The following RNFT2 variants were observed in gnomAD, a reference collection of about 807,000 sequenced individuals.
RNFT2 encodes ring finger protein, transmembrane 2.
RNFT2 carries 36 observed loss-of-function variants against 53.0 expected under a neutral mutation model. The observed-to-expected ratio is 0.68, with a 90% CI of 0.52 to 0.90. RNFT2 has a LOEUF of 0.90. Ranked by LOEUF, RNFT2 falls within the 40% of genes least tolerant of loss-of-function variation. The pLI is 0.00. For synonymous variants in RNFT2, 260 were observed against 253.2 expected, an observed-to-expected ratio of 1.03 and a Z score of -0.26; for missense variants, 514 against 585.6, an observed-to-expected ratio of 0.88 and a Z score of 1.26.
intron 7 of RNFT2, among the ~76,000 whole-genome samples, chr12:116,790,348 C>G (rs1874175988): frequency 6.6e-6 from 1 of 151,314 alleles, no homozygotes; most frequent in African/African-American, 2.5e-5. Context: ...ATCAGTGAAC[C>G]AGTAAATAGA....
intron 7 of RNFT2, among the ~76,000 whole-genome samples, chr12:116,804,870 A>G (rs1046358869): frequency 2.0e-5 from 3 of 152,172 alleles, no homozygotes; most frequent in African/African-American, 7.2e-5. Context: ...AGGAAGCCGA[A>G]GTGGGAGGAT....
intron 7 of RNFT2, among the ~76,000 whole-genome samples, chr12:116,800,678 G>A (rs893418841): frequency 2.0e-5 from 3 of 151,620 alleles, no homozygotes; most frequent in Non-Finnish European, 2.9e-5. Context: ...AGCTGGCACT[G>A]TGGTGCGTGC....
intron 7 of RNFT2, among the ~76,000 whole-genome samples, chr12:116,806,573 C>A (rs1348433478): frequency 1.3e-5 from 2 of 151,556 alleles, no homozygotes; most frequent in African/African-American, 4.8e-5. Flanking sequence ...TAGTGAGACA[C>A]CTTCTCTATA....
intron 10 of RNFT2, among the ~76,000 whole-genome samples, chr12:116,841,876 TATATAA>T (rs1221260575): frequency 1.2e-4 from 3 of 24,560 alleles, no homozygotes; most frequent in Middle Eastern, 8.8e-3. Context: ...TATAAATATA[TATATAA>T]ATATATATAA....
chr12:116,788,207 G>T (rs996741291), intron 7 of RNFT2, among the ~76,000 whole-genome samples: 4 of 152,186 alleles, frequency 2.6e-5, no homozygotes, highest in African/African-American at 9.7e-5. Context: ...GATTACAGGC[G>T]TGAGCCACTG....
At chr12:116,763,013 T>A (rs1018962622) in intron 5 of RNFT2, among the ~76,000 whole-genome samples, 3 of 152,112 alleles carry the variant, frequency 2.0e-5, no homozygotes, top group Non-Finnish European at 4.4e-5. Context: ...TCCCAGGAGT[T>A]TGAGGCTGCA....
intron 4 of RNFT2, 72 bp downstream of exon 4, chr12:116,750,379 G>T (rs1872134407): frequency 1.4e-6 from 2 of 1,447,262 alleles, no homozygotes; most frequent in Non-Finnish European, 1.9e-6. Context: ...GTGGGGTGGG[G>T]GCTCCTCCTC....
intron 5 of RNFT2, among the ~76,000 whole-genome samples, chr12:116,763,265 T>C (rs1051514577): frequency 9.2e-5 from 14 of 151,538 alleles, no homozygotes; most frequent in African/African-American, 2.9e-4. Context: ...AACAAACTTA[T>C]GAAAAAATGC....
chr12:116,751,223 T>C (rs558859066), intron 4 of RNFT2, among the ~76,000 whole-genome samples: 46 of 151,210 alleles, frequency 3.0e-4, no homozygotes, highest in African/African-American at 1.0e-3. Context: ...CCTACTATAT[T>C]TGTTATTAAC....
intron 6 of RNFT2, among the ~76,000 whole-genome samples, chr12:116,769,122 G>A (rs1396825459): frequency 1.3e-5 from 2 of 152,238 alleles, no homozygotes; most frequent in Admixed American, 6.5e-5. Flanking sequence ...CACTTTGGGA[G>A]GCCAAGGTGG....
rs549587042 is a variant in RNFT2 at position 116,754,391 on chromosome 12, G to C, written c.627+331G>C. On this transcript the variant is annotated intron_variant, in intron 5 of 10. Transcript: ENST00000257575. ...TTTCTTTATACACCCGTTGATTGGT[G>C]GGCATTTGGGTTGGTTCCACAATTT... 3.9e-5 allele frequency among the ~76,000 whole-genome samples: 6 copies of C among 152,214 alleles called. No individual in the cohort carries two copies. In the East Asian group the frequency reaches 1.2e-3, roughly 29 times the overall value.
At chr12:116,837,460 G>A (rs1877036367) in intron 10 of RNFT2, among the ~76,000 whole-genome samples, 2 of 152,276 alleles carry the variant, frequency 1.3e-5, no homozygotes, top group Non-Finnish European at 2.9e-5. Context: ...AGACTAAAAG[G>A]CATGGAAAGG....
intron 3 of RNFT2, among the ~76,000 whole-genome samples, chr12:116,749,281 C>G (rs969465793): frequency 0.013 from 59 of 4,480 alleles, no homozygotes; most frequent in African/African-American, 0.074. Context: ...TTCCTCTTTC[C>G]CCCCCCACCA....
chr12:116,838,755 A>G (rs1264305025), intron 10 of RNFT2, among the ~76,000 whole-genome samples: 1 of 152,216 alleles, frequency 6.6e-6, no homozygotes, highest in Non-Finnish European at 1.5e-5. Flanking sequence ...TCTAAGCCTC[A>G]GTCTGTTTGT....
chr12:116,808,296 C>T (rs1482694566), intron 7 of RNFT2, among the ~76,000 whole-genome samples: 1 of 152,192 alleles, frequency 6.6e-6, no homozygotes, highest in East Asian at 1.9e-4. Context: ...TGCTGCATTG[C>T]CCAGGCTGGT....
At chr12:116,763,176 GA>G (rs67556946) in intron 5 of RNFT2, among the ~76,000 whole-genome samples, 132,080 of 147,332 alleles carry the variant, frequency 0.9, 59,452 homozygotes, top group Non-Finnish European at 0.95. Flanking sequence ...TGTGCTTTCA[GA>G]AAAAAAAAAA....
At chr12:116,763,672 G>A (rs577294701) in intron 5 of RNFT2, among the ~76,000 whole-genome samples, 5 of 151,674 alleles carry the variant, frequency 3.3e-5, no homozygotes, top group African/African-American at 4.8e-5. Context: ...CCAGCTACTC[G>A]GGAGGCTGAG....
intron 7 of RNFT2, among the ~76,000 whole-genome samples, chr12:116,831,948 G>A (rs2137198988): frequency 6.6e-6 from 1 of 151,696 alleles, no homozygotes; most frequent in Admixed American, 6.6e-5. Flanking sequence ...GGGCAACATG[G>A]TGAAATCCTG....
intron 2 of RNFT2, 60 bp downstream of exon 2, chr12:116,740,581 G>A: frequency 6.6e-7 from 1 of 1,519,180 alleles, no homozygotes; most frequent in Non-Finnish European, 8.9e-7. Context: ...GTGAGAGCTG[G>A]AAGGAAGTTT....
Sources: allele counts gnomAD v4.1 joint callset (sites outside exome capture counted in the v4.1 genomes callset), GRCh38; gene constraint gnomAD v4.1.1; transcripts MANE v1.5; gene names NCBI Gene and HGNC (gene_info 2026-07-23, HGNC 2026-07-21).